Variants in PCDHA10 observed in about 807,000 individuals in gnomAD.
The protein encoded by PCDHA10 is protocadherin alpha-10.
In PCDHA10, 45 loss-of-function variants were observed where a neutral mutation model predicts 61.2. That is an observed-to-expected ratio of 0.74 (90% CI 0.58 to 0.94). The LOEUF (loss-of-function observed/expected upper bound fraction) is 0.94. PCDHA10 is among the 40% of genes least tolerant of loss of function. PCDHA10 has a pLI of 0.00. For synonymous variants in PCDHA10, 602 were observed against 548.8 expected (o/e 1.10, Z -1.35); for missense variants, 1,278 against 1,236.2 (o/e 1.03, Z -0.51).
chr5:140,882,262 G>A (rs907928710), intron 1 of PCDHA10: 14 of 1,605,126 alleles, frequency 8.7e-6, no homozygotes, highest in Non-Finnish European at 1.2e-5. Flanking sequence ...GGTTTTTGGA[G>A]TGTACCATGC....
At chr5:140,952,621 T>C (rs1002649302) in intron 1 of PCDHA10, among the ~76,000 whole-genome samples, 3 of 152,168 alleles carry the variant, frequency 2.0e-5, no homozygotes, top group Admixed American at 2.0e-4. Context: ...TCATCTTCCC[T>C]CCACACTATT....
chr5:140,924,921 T>A (rs1167960449), intron 1 of PCDHA10, among the ~76,000 whole-genome samples: 5 of 126,218 alleles, frequency 4.0e-5, no homozygotes, highest in African/African-American at 1.5e-4. Context: ...TAAAATAAAA[T>A]AAAATAAAAT....
intron 1 of PCDHA10, chr5:140,870,816 C>A: frequency 4.3e-6 from 7 of 1,613,668 alleles, no homozygotes; most frequent in Admixed American, 1.7e-5. Flanking sequence ...AGGCTGGCAG[C>A]GCGGGAGGCG....
In PCDHA10 at chr5:140,875,548, G is replaced by A. The variant is rs782463775; in HGVS notation, c.2388+17112G>A. On this transcript the variant is annotated intron_variant, in intron 1 of 3. Coordinates refer to ENST00000307360, the MANE Select transcript of PCDHA10 (RefSeq NM_018901.4). ...GCTTCTGCTCCTTGCAGCCTGGGAG[G>A]TGGGGAGCGGCCAGCTCCACTACTC... 24 of 1,614,054 alleles carry A rather than the reference G, an allele frequency of 1.5e-5. 1 individual carries two copies. The Admixed American group carries it at 3.5e-4, about 24-fold the overall frequency.
At chr5:140,889,479 T>C (rs1399086830) in intron 1 of PCDHA10, among the ~76,000 whole-genome samples, 1 of 152,184 alleles carries the variant, frequency 6.6e-6, no homozygotes, top group Admixed American at 6.5e-5. Context: ...GCTCATACTT[T>C]CTACAGAATC....
At chr5:140,875,467 T>G in intron 1 of PCDHA10, 2 of 1,600,082 alleles carry the variant, frequency 1.2e-6, no homozygotes, top group Non-Finnish European at 1.7e-6. Flanking sequence ...GCCCTCATTT[T>G]CTGCAATGGT....
chr5:140,931,049 A>G (rs1165336064), intron 1 of PCDHA10, among the ~76,000 whole-genome samples: 1 of 152,226 alleles, frequency 6.6e-6, no homozygotes, highest in Non-Finnish European at 1.5e-5. Flanking sequence ...AAAAACTTCA[A>G]TGCTGTGTCT....
chr5:140,882,369 C>G (rs1554173809), intron 1 of PCDHA10: 4 of 1,614,104 alleles, frequency 2.5e-6, no homozygotes, highest in African/African-American at 1.3e-5. Flanking sequence ...CTCCACTACT[C>G]CGTCCCCGAG....
At chr5:140,875,958 C>A in intron 1 of PCDHA10, 1 of 1,614,080 alleles carries the variant, frequency 6.2e-7, no homozygotes, top group Middle Eastern at 1.6e-4. Context: ...ATGCGGATAT[C>A]GGCGTAAACT....
intron 1 of PCDHA10, among the ~76,000 whole-genome samples, chr5:140,896,536 C>CTTTT (rs34213614): frequency 1.4e-5 from 2 of 145,620 alleles, no homozygotes; most frequent in Admixed American, 6.8e-5. Context: ...AGCTATTTTT[C>CTTTT]TTTTTTTTTT....
chr5:140,904,047 A>C (rs1554191240), intron 1 of PCDHA10, among the ~76,000 whole-genome samples: 1 of 152,164 alleles, frequency 6.6e-6, no homozygotes, highest in Admixed American at 6.6e-5. Flanking sequence ...TAATTTTTTT[A>C]TTTCAATGGG....
chr5:140,885,920 C>T (rs1554182299), intron 1 of PCDHA10, among the ~76,000 whole-genome samples: 1 of 151,998 alleles, frequency 6.6e-6, no homozygotes, highest in East Asian at 1.9e-4. Context: ...TAGATATTAA[C>T]TGTTTATCTA....
intron 1 of PCDHA10, among the ~76,000 whole-genome samples, chr5:140,947,645 A>AT (rs2094157342): frequency 6.6e-6 from 1 of 151,670 alleles, no homozygotes; most frequent in East Asian, 1.9e-4. Context: ...GTATGAACAT[A>AT]TATACCTCCA....
At chr5:140,866,812 C>A (rs1172521123) in intron 1 of PCDHA10, 1 of 152,120 alleles carries the variant, frequency 6.6e-6, no homozygotes, top group Non-Finnish European at 1.5e-5. Context: ...CACAAAGTTC[C>A]TTAATCTTCA....
chr5:140,872,582 G>A (rs535860760), intron 1 of PCDHA10, among the ~76,000 whole-genome samples: 8 of 152,084 alleles, frequency 5.3e-5, no homozygotes, highest in Non-Finnish European at 1.2e-4. Flanking sequence ...ACCTATCATC[G>A]TGAGACCCCC....
Position 140,927,170 on chromosome 5 carries a change from G to A in PCDHA10, c.2389-51779G>A, listed in dbSNP as rs370656989. The A allele has an allele frequency of 2.6e-5, 42 of 1,614,048 alleles. No individual in the cohort carries two copies. The highest frequency in any genetic ancestry group is 3.5e-5 in the Non-Finnish European group (41 of 1,180,042). On this transcript the variant is annotated intron_variant, in intron 1 of 3. Coordinates refer to ENST00000307360, the MANE Select transcript of PCDHA10 (RefSeq NM_018901.4). Reference sequence around the variant, plus strand: ...CAGCTGTGCAGGGCCAAAGCTGCCTGCGTCTTGACCTACGACCTGGTGCTC... The same window carrying A: ...CAGCTGTGCAGGGCCAAAGCTGCCTACGTCTTGACCTACGACCTGGTGCTC...
chr5:140,995,956 G>A (rs1480673532), intron 3 of PCDHA10, among the ~76,000 whole-genome samples: 1 of 152,214 alleles, frequency 6.6e-6, no homozygotes, highest in African/African-American at 2.4e-5. Flanking sequence ...CACGCAAAAT[G>A]CTTAGAACCA....
At chr5:140,928,671 T>C in intron 1 of PCDHA10, 7 of 1,614,214 alleles carry the variant, frequency 4.3e-6, no homozygotes, top group Non-Finnish European at 5.9e-6. Context: ...GTGGTTCTAA[T>C]GCCTGGCTTT....
chr5:140,875,254 T>C, intron 1 of PCDHA10: 1 of 1,054,680 alleles, frequency 9.5e-7, no homozygotes, highest in Non-Finnish European at 1.3e-6. Flanking sequence ...ATCAGTCACA[T>C]GATGTCGCTC....
Sources: gnomAD v4.1 joint callset for allele counts (sites outside exome capture counted in the v4.1 genomes callset) on GRCh38, gnomAD v4.1.1 for gene constraint, MANE v1.5 for transcripts, NCBI Gene and HGNC (gene_info 2026-07-23, HGNC 2026-07-21) for gene names.